ZNF385D: variants seen among roughly 807,000 people sequenced by gnomAD.
ZNF385D encodes zinc finger protein 385D, also known as zinc finger protein 659.
Under a neutral mutation model 35.8 loss-of-function variants are expected in ZNF385D, and 15 were observed. That is an observed-to-expected ratio of 0.42 (90% CI 0.28 to 0.64). ZNF385D has a LOEUF of 0.64. ZNF385D is among the 30% of genes least tolerant of loss of function. The pLI is 0.23. For missense variants in ZNF385D, 474 were observed against 494.6 expected, an observed-to-expected ratio of 0.96 and a Z score of 0.39; for synonymous variants, 212 against 186.8, an observed-to-expected ratio of 1.13 and a Z score of -1.10.
intron 3 of ZNF385D, among the ~76,000 whole-genome samples, chr3:22,058,159 T>G (rs1453364825): frequency 6.6e-6 from 1 of 151,938 alleles, no homozygotes; most frequent in Non-Finnish European, 1.5e-5. Flanking sequence ...TATTGGTAAC[T>G]CATAAGTTGA....
intron 3 of ZNF385D, among the ~76,000 whole-genome samples, chr3:21,852,143 C>T (rs544521532): frequency 8.6e-5 from 13 of 151,992 alleles, no homozygotes; most frequent in African/African-American, 3.1e-4. Flanking sequence ...TTATGAGCAT[C>T]GGGTTTTTAG....
intron 2 of ZNF385D, among the ~76,000 whole-genome samples, chr3:21,586,539 ATATAG>A (rs1038192248): frequency 6.6e-6 from 1 of 152,190 alleles, no homozygotes; most frequent in Admixed American, 6.5e-5. Flanking sequence ...AGATTAGTTA[ATATAG>A]TAAAGAACTG....
intron 3 of ZNF385D, among the ~76,000 whole-genome samples, chr3:21,934,001 G>T (rs968108366): frequency 5.0e-5 from 4 of 80,806 alleles, no homozygotes; most frequent in African/African-American, 2.9e-4. Context: ...TAACTCACTG[G>T]TAATTAAAAA....
At chr3:22,119,522 C>T (rs987392349) in intron 3 of ZNF385D, among the ~76,000 whole-genome samples, 5 of 152,000 alleles carry the variant, frequency 3.3e-5, no homozygotes, top group Admixed American at 2.0e-4. Context: ...ACTTTTTCAA[C>T]TGGTTTTGAT....
At chr3:21,611,533 A>G (rs1289315294) in intron 2 of ZNF385D, among the ~76,000 whole-genome samples, 1 of 152,238 alleles carries the variant, frequency 6.6e-6, no homozygotes, top group African/African-American at 2.4e-5. Flanking sequence ...TTTTCTCTCT[A>G]TAAAGCAGAC....
chr3:22,166,543 C>T (rs967146627), intron 3 of ZNF385D, among the ~76,000 whole-genome samples: 2 of 152,022 alleles, frequency 1.3e-5, no homozygotes, highest in Non-Finnish European at 2.9e-5. Flanking sequence ...TCCTCAATGT[C>T]CACATCTATA....
At chr3:22,004,606 G>C (rs934203574) in intron 3 of ZNF385D, among the ~76,000 whole-genome samples, 7 of 152,126 alleles carry the variant, frequency 4.6e-5, no homozygotes, top group East Asian at 1.9e-4. Context: ...TCTATTCCTA[G>C]AAATGATAGC....
chr3:21,450,714 G>A (rs891555749), intron 4 of ZNF385D, among the ~76,000 whole-genome samples: 1 of 152,138 alleles, frequency 6.6e-6, no homozygotes, highest in Non-Finnish European at 1.5e-5. Flanking sequence ...AGGAATTCTT[G>A]AAGAATGCTT....
chr3:21,539,728 C>G lies in ZNF385D; in HGVS notation c.276+24846G>C, dbSNP rs2062126441. Among the ~76,000 whole-genome samples, 1 of 151,664 alleles carries G rather than the reference C, an allele frequency of 6.6e-6. No homozygotes were observed. The highest frequency in any genetic ancestry group is 6.6e-5 in the Admixed American group (1 of 15,222). On this transcript the variant is annotated intron_variant, in intron 3 of 7. Coordinates refer to ENST00000281523, the MANE Select transcript of ZNF385D (RefSeq NM_024697.3). This position sits in a 1 kb window ranked among gnomAD's most constrained non-coding sequence, Gnocchi z 4.0. ...ATTTATTTTAAATATTTTATGAAAC[C>G]AATAAATGTTCTACCATGATAATGT...
intron 4 of ZNF385D, among the ~76,000 whole-genome samples, chr3:21,449,278 C>CAAAA (rs543791289): frequency 7.0e-6 from 1 of 142,018 alleles, no homozygotes; most frequent in Non-Finnish European, 1.5e-5. Flanking sequence ...TTTATAGCTA[C>CAAAA]AAAAAAAAAA....
chr3:22,157,052 C>A (rs1300604663), intron 3 of ZNF385D, among the ~76,000 whole-genome samples: 2 of 152,110 alleles, frequency 1.3e-5, no homozygotes, highest in Non-Finnish European at 2.9e-5. Flanking sequence ...CCTTTGGCTT[C>A]TGAATCAAGG....
chr3:21,808,947 G>A (rs899610996), intron 3 of ZNF385D, among the ~76,000 whole-genome samples: 32 of 152,158 alleles, frequency 2.1e-4, no homozygotes, highest in Non-Finnish European at 4.3e-4. Context: ...TACAGTTCTC[G>A]AAGGGCAACC....
At chr3:21,883,000 C>T (rs1021902369) in intron 3 of ZNF385D, among the ~76,000 whole-genome samples, 1 of 151,904 alleles carries the variant, frequency 6.6e-6, no homozygotes, top group Admixed American at 6.6e-5. Context: ...TGAACAAACC[C>T]TCATTAAAAT....
chr3:22,256,151 T>C (rs1459879970), intron 2 of ZNF385D, among the ~76,000 whole-genome samples: 1 of 151,430 alleles, frequency 6.6e-6, no homozygotes, highest in African/African-American at 2.4e-5. Context: ...CTGGCTCTCC[T>C]TGTTCGTCAG....
intron 3 of ZNF385D, among the ~76,000 whole-genome samples, chr3:21,938,396 C>T (rs754502656): frequency 6.6e-6 from 1 of 152,108 alleles, no homozygotes; most frequent in African/African-American, 2.4e-5. Flanking sequence ...GCTGCAAGTG[C>T]TGAGGCGGGC....
At chr3:21,978,687 C>T (rs1703799313) in intron 3 of ZNF385D, among the ~76,000 whole-genome samples, 1 of 152,108 alleles carries the variant, frequency 6.6e-6, no homozygotes, top group Middle Eastern at 3.4e-3. Context: ...GTCTATGTCT[C>T]TAGATAGCTC....
chr3:21,870,248 A>G (rs1358554543), intron 3 of ZNF385D, among the ~76,000 whole-genome samples: 1 of 152,196 alleles, frequency 6.6e-6, no homozygotes, highest in East Asian at 1.9e-4. Flanking sequence ...TGTTTTGATC[A>G]GCTATAATTT....
At chr3:21,771,816 T>TTA (rs1320597919) in intron 3 of ZNF385D, among the ~76,000 whole-genome samples, 1 of 151,908 alleles carries the variant, frequency 6.6e-6, no homozygotes. Flanking sequence ...GGACTCACAC[T>TTA]TACTGATTTT....
intron 2 of ZNF385D, among the ~76,000 whole-genome samples, chr3:21,657,673 C>T (rs1042634716): frequency 4.0e-5 from 6 of 151,022 alleles, no homozygotes; most frequent in South Asian, 2.1e-4. Flanking sequence ...ACTTATCTAC[C>T]GCTTCTGTCT....
Sources: gnomAD v4.1 joint callset for allele counts (sites outside exome capture counted in the v4.1 genomes callset) on GRCh38, gnomAD v4.1.1 for gene constraint, Gnocchi (gnomAD v3.1) non-coding constraint, MANE v1.5 for transcripts, NCBI Gene and HGNC (gene_info 2026-07-23, HGNC 2026-07-21) for gene names.